The following FRMD1 variants were observed in gnomAD, a reference collection of about 807,000 sequenced individuals.
The protein encoded by FRMD1 is FERM domain-containing protein 1.
FRMD1 carries 51 observed loss-of-function variants against 54.9 expected under a neutral mutation model. That is an observed-to-expected ratio of 0.93 (90% CI 0.74 to 1.17). The LOEUF is 1.17. Ranked by LOEUF, FRMD1 falls within the 50% of genes most tolerant of loss-of-function variation. FRMD1 has a pLI of 0.00. For synonymous variants in FRMD1, 324 were observed against 306.4 expected, an observed-to-expected ratio of 1.06 and a Z score of -0.60; for missense variants, 729 against 743.0, an observed-to-expected ratio of 0.98 and a Z score of 0.22.
At chr6:168,067,258 TC>T in intron 3 of FRMD1, 108 bp downstream of exon 3, 1 of 741,288 alleles carries the variant, frequency 1.3e-6, no homozygotes, top group Non-Finnish European at 2.4e-6. Flanking sequence ...ATCCCCGCGG[TC>T]CCCCACAGCC....
intron 10 of FRMD1, among the ~76,000 whole-genome samples, chr6:168,058,604 C>A (rs1022971533): frequency 6.6e-6 from 1 of 152,172 alleles, no homozygotes; most frequent in Non-Finnish European, 1.5e-5. Flanking sequence ...GGCTGGGAAC[C>A]CTGAGCCCAC....
At chr6:168,080,465 A>G (rs1484363819), upstream of FRMD1, among the ~76,000 whole-genome samples, 2 of 152,180 alleles carry the variant, frequency 1.3e-5, no homozygotes, top group Admixed American at 1.3e-4. Context: ...CACAAAAAAA[A>G]ACAGCCCCAG....
Position 168,071,432 on chromosome 6 carries a change from G to A in FRMD1, c.304+3813C>T, listed in dbSNP as rs183533011. On this transcript the variant is annotated intron_variant, in intron 2 of 10. Coordinates refer to ENST00000283309, the MANE Select transcript of FRMD1 (RefSeq NM_024919.6). ...GCCAGAACCAAGAAGGGTGTCCTCG[G>A]GTCAAGAAGGCCCTGGGGCCACAGG... Among the ~76,000 whole-genome samples, 1,335 of 152,270 alleles carry A rather than the reference G, an allele frequency of 8.8e-3. 5 individuals carry two copies. The highest frequency in any genetic ancestry group is 0.014 in the Non-Finnish European group (962 of 68,028).
At chr6:168,085,362 C>T (rs1265947014), upstream of FRMD1, among the ~76,000 whole-genome samples, 1 of 152,244 alleles carries the variant, frequency 6.6e-6, no homozygotes, top group Non-Finnish European at 1.5e-5. Flanking sequence ...CACATGGCCA[C>T]AGTGAGGCCG....
rs182448018 is a variant in FRMD1, at chr6:168,056,957, T to C, written c.*140A>G. On this transcript the variant is annotated 3_prime_UTR_variant, in exon 11 of 11. Transcript: ENST00000283309. ...ATGTCAGAGCCAGCTCCACACCTCT[T>C]ACAGGTGAACCTGTGGAGCGTGCTG... The C allele has an allele frequency of 1.3e-3, 1,367 of 1,041,120 alleles. 6 individuals are homozygous for C. The highest frequency in any genetic ancestry group is 9.7e-4 in the Admixed American group (28 of 28,988). The allele number at this position is 1,041,120 out of a possible 1,614,324, so 64.5% of individuals were successfully genotyped here.
intron 8 of FRMD1, among the ~76,000 whole-genome samples, 171 bp from the exon 9 acceptor site, chr6:168,061,228 G>C (rs1365152185): frequency 6.6e-6 from 1 of 152,002 alleles, no homozygotes; most frequent in African/African-American, 2.4e-5. Context: ...CTTGTGCTCA[G>C]GTGAGGACGT....
intron 2 of FRMD1, among the ~76,000 whole-genome samples, chr6:168,071,084 G>C (rs1462804470): frequency 6.6e-6 from 1 of 152,228 alleles, no homozygotes; most frequent in Non-Finnish European, 1.5e-5. Flanking sequence ...GACAGCACGA[G>C]ACTCCTGCAG....
intron 2 of FRMD1, chr6:168,067,667 C>T (rs755218821): frequency 4.3e-5 from 22 of 509,742 alleles, no homozygotes; most frequent in Middle Eastern, 4.3e-4. Flanking sequence ...AATGTTCCAA[C>T]GTGTAGGAAT....
At position 168,078,535 on chromosome 6, in the gene FRMD1, C is replaced by A. The variant is rs182948541; in HGVS notation, c.213+347G>T. 5.9e-4 allele frequency among the ~76,000 whole-genome samples: 89 copies of A among 151,126 alleles called. 1 individual carries two copies. The highest frequency in any genetic ancestry group is 4.3e-3 in the East Asian group (22 of 5,120). ...TGCTCACCCCATACCCCTGCTCACCCCCACGGCCCTGCTCACCCCCACGGC... is the reference window on the plus strand; with the variant it reads ...TGCTCACCCCATACCCCTGCTCACCACCACGGCCCTGCTCACCCCCACGGC... On this transcript the variant is annotated intron_variant, in intron 1 of 10. Transcript: ENST00000283309.
At position 168,072,574 on chromosome 6, in the gene FRMD1, C is replaced by G. The variant is rs1182989425; in HGVS notation, c.304+2671G>C. ...TGGAGCGCGGACCAGAGCTCGCCCCCCAAACACGGCGGCTCCAACATGTCG... is the reference window on the plus strand; with the variant it reads ...TGGAGCGCGGACCAGAGCTCGCCCCGCAAACACGGCGGCTCCAACATGTCG... On this transcript the variant is annotated intron_variant, in intron 2 of 10. Transcript: ENST00000283309. Among the ~76,000 whole-genome samples the G allele has an allele frequency of 2.3e-4, 35 of 152,204 alleles. 1 individual carries two copies. Among genetic ancestry groups the G allele is most frequent in the Admixed American group, 2.3e-3 (35 of 15,292 alleles).
intron 4 of FRMD1, chr6:168,065,889 G>A: frequency 2.0e-6 from 2 of 1,000,238 alleles, no homozygotes; most frequent in Non-Finnish European, 2.4e-6. Flanking sequence ...GGTAAACCCT[G>A]TTCACGCACC....
At position 168,066,791 on chromosome 6, in the gene FRMD1, C is replaced by T. The variant is rs373114402; in HGVS notation, c.425G>A (p.Arg142Gln). ...TCCGTTTTCCACGTAGTGCTGCACT[C>T]GGAGGAAGGCCACGAAGGGGGCTCT... ...KPRAPFVAFL[R>Q]VQHYVENGRV... is the part of the protein sequence containing the mutation. The change falls in exon 4 of 11, where the codon CGA becomes CAA. Residue 142 changes from arginine (R) to glutamine (Q), a missense_variant. Physicochemically the swap from Arg to Gln is conservative, Grantham distance 43 (BLOSUM62 1). Coordinates refer to ENST00000283309, the MANE Select transcript of FRMD1 (RefSeq NM_024919.6). 7.1e-5 allele frequency: 115 copies of T among 1,613,874 alleles called. 1 individual carries two copies. The highest frequency in any genetic ancestry group is 4.0e-4 in the Admixed American group (24 of 59,968).
rs770064154 is a variant in FRMD1, at chr6:168,075,314, G to T, written c.235C>A (p.Leu79Ile). ...GCCACGTTGCACACTTGCTGGAAAA[G>T]CTCGCGGCCAGTAGCCTTCACCTGC... ...AVGVKATGRE[L>I]FQQVCNVASI... is the part of the protein sequence containing the mutation. The change falls in exon 2 of 11, where the codon CTT (leucine) becomes ATT (isoleucine). Residue 79 changes from leucine to isoleucine, a missense_variant. Physicochemically the swap from Leu to Ile is conservative, Grantham distance 5 (BLOSUM62 2). Transcript: ENST00000283309. 6.2e-6 allele frequency: 10 copies of T among 1,613,316 alleles called. 1 individual carries two copies. The highest frequency in any genetic ancestry group is 4.4e-5 in the South Asian group (4 of 91,084).
intron 1 of FRMD1, among the ~76,000 whole-genome samples, chr6:168,090,913 T>C (rs1801005511): frequency 6.6e-6 from 1 of 152,226 alleles, no homozygotes; most frequent in African/African-American, 2.4e-5. Flanking sequence ...CCAGGTCTCC[T>C]GGTTTCCATT....
intron 2 of FRMD1, among the ~76,000 whole-genome samples, chr6:168,071,702 C>T (rs553632443): frequency 7.4e-4 from 112 of 152,364 alleles, no homozygotes; most frequent in African/African-American, 2.6e-3. Context: ...TGGCAGGAGT[C>T]GGAAAGCCCT....
Position 168,070,398 on chromosome 6 carries a change from A to AGGGG in FRMD1, c.305-2953_305-2952insCCCC, listed in dbSNP as rs1800250818. Among the ~76,000 whole-genome samples, 2 of 73,324 alleles carry AGGGG rather than the reference A, an allele frequency of 2.7e-5. 1 individual carries two copies. Among genetic ancestry groups the AGGGG allele is most frequent in the South Asian group, 9.9e-4 (2 of 2,016 alleles). 48.1% of individuals were successfully genotyped at this position (73,324 alleles called of 152,430 possible). ...GAGGGAGGGAAGGAGGGAGGGAGGG[A>AGGGG]GGGAGGGAGACATTTACATCAGTAG... On this transcript the variant is annotated intron_variant, in intron 2 of 10. Coordinates refer to ENST00000283309, the MANE Select transcript of FRMD1 (RefSeq NM_024919.6).
At chr6:168,085,796 G>A (rs1216746309), upstream of FRMD1, among the ~76,000 whole-genome samples, 3 of 151,258 alleles carry the variant, frequency 2.0e-5, no homozygotes, top group African/African-American at 7.3e-5. Context: ...AGCATCCAAA[G>A]CCTTCCATGG....
At chr6:168,067,946 C>CA (rs1208620697) in intron 2 of FRMD1, among the ~76,000 whole-genome samples, 1 of 50,650 alleles carries the variant, frequency 2.0e-5, no homozygotes, top group Non-Finnish European at 4.7e-5. Flanking sequence ...CTTGTCACCA[C>CA]AGGAAAAAAA....
intron 1 of FRMD1, among the ~76,000 whole-genome samples, chr6:168,090,190 T>A (rs1351283110): frequency 6.6e-6 from 1 of 152,072 alleles, no homozygotes; most frequent in Non-Finnish European, 1.5e-5. Context: ...GGCAATGGGC[T>A]CTAGAGTCTC....
Sources: gnomAD v4.1 joint callset for allele counts (sites outside exome capture counted in the v4.1 genomes callset) on GRCh38, gnomAD v4.1.1 for gene constraint, MANE v1.5 for transcripts, NCBI Gene and HGNC (gene_info 2026-07-23, HGNC 2026-07-21) for gene names.